Variants in SGCG observed in about 807,000 individuals in gnomAD.
The protein encoded by SGCG is gamma-sarcoglycan.
SGCG carries 26 observed loss-of-function variants against 29.3 expected under a neutral mutation model. The observed-to-expected ratio is 0.89, with a 90% confidence interval of 0.65 to 1.23. The LOEUF (loss-of-function observed/expected upper bound fraction) is 1.23, where lower values mean the gene tolerates loss of function less well. Among genes scored for constraint, SGCG ranks in the 50% most tolerant of loss-of-function variants. The pLI is 0.00. For synonymous variants in SGCG, 145 were observed against 129.7 expected (o/e 1.12, Z -0.80); for missense variants, 353 against 356.0 (o/e 0.99, Z 0.07).
intron 1 of SGCG, among the ~76,000 whole-genome samples, chr13:23,202,257 T>C (rs1351915094): frequency 2.6e-5 from 4 of 151,986 alleles, no homozygotes; most frequent in South Asian, 2.1e-4. Context: ...TTTGGAAAAA[T>C]AGAGTGACAG....
intron 4 of SGCG, among the ~76,000 whole-genome samples, chr13:23,271,169 G>A (rs1295643733): frequency 3.3e-5 from 5 of 152,128 alleles, no homozygotes; most frequent in Admixed American, 3.3e-4. Flanking sequence ...CCGAGATCAC[G>A]CCACTACACT....
chr13:23,300,480 T>A (rs2137654783), intron 6 of SGCG, among the ~76,000 whole-genome samples: 1 of 152,290 alleles, frequency 6.6e-6, no homozygotes, highest in African/African-American at 2.4e-5. Context: ...TCCGAAATCC[T>A]GACCTCCCAT....
chr13:23,257,295 T>C (rs1880230285), intron 4 of SGCG, among the ~76,000 whole-genome samples: 2 of 152,134 alleles, frequency 1.3e-5, no homozygotes, highest in South Asian at 4.1e-4. Flanking sequence ...ATTTCTAGGG[T>C]ACACATGCAA....
chr13:23,259,168 G>A (rs1241721199), intron 4 of SGCG, among the ~76,000 whole-genome samples: 1 of 152,112 alleles, frequency 6.6e-6, no homozygotes, highest in Non-Finnish European at 1.5e-5. Flanking sequence ...AAATCCGTCT[G>A]CTCTTGGACT....
intron 2 of SGCG, among the ~76,000 whole-genome samples, chr13:23,209,725 AG>A (rs1189239208): frequency 6.6e-6 from 1 of 152,182 alleles, no homozygotes; most frequent in Non-Finnish European, 1.5e-5. Flanking sequence ...GGTTGATGTA[AG>A]GGTTCTGAGC....
chr13:23,232,789 A>G (rs200267196), intron 2 of SGCG, among the ~76,000 whole-genome samples: 2 of 152,172 alleles, frequency 1.3e-5, no homozygotes, highest in East Asian at 3.9e-4. Context: ...CTCAAAAAAA[A>G]GACAGTCAGA....
chr13:23,274,477 G>A (rs1440626953), intron 4 of SGCG, among the ~76,000 whole-genome samples: 1 of 136,258 alleles, frequency 7.3e-6, no homozygotes, highest in Non-Finnish European at 1.5e-5. Context: ...ATCTTGGCTC[G>A]CTGCAAGCTC....
At chr13:23,299,427 TATATATATATATATATATATATA>T (rs1480435971) in intron 6 of SGCG, among the ~76,000 whole-genome samples, 14 of 13,536 alleles carry the variant, frequency 1.0e-3, no homozygotes, top group East Asian at 1.9e-3. Flanking sequence ...TATATATATA[TATATATATATATATATATATATA>T]TATATATTTT....
At chr13:23,238,257 G>A (rs993492665) in intron 3 of SGCG, among the ~76,000 whole-genome samples, 3 of 152,182 alleles carry the variant, frequency 2.0e-5, no homozygotes, top group African/African-American at 7.2e-5. Context: ...CAAGGCAGCT[G>A]CAGTTTGCAA....
intron 3 of SGCG, among the ~76,000 whole-genome samples, chr13:23,247,784 TAAA>T (rs56971660): frequency 7.0e-4 from 93 of 132,844 alleles, no homozygotes; most frequent in Admixed American, 9.0e-4. Context: ...CATCTCTATT[TAAA>T]AAAAAAAAAA....
chr13:23,283,560 C>G (rs1881386935), intron 5 of SGCG, among the ~76,000 whole-genome samples: 2 of 152,162 alleles, frequency 1.3e-5, no homozygotes, highest in African/African-American at 4.8e-5. Flanking sequence ...TGGGTTTTGA[C>G]TCTATCCAGT....
intron 6 of SGCG, among the ~76,000 whole-genome samples, chr13:23,311,800 A>C (rs757607981): frequency 1.3e-5 from 2 of 152,158 alleles, no homozygotes; most frequent in Non-Finnish European, 2.9e-5. Flanking sequence ...AATTTCTCAA[A>C]TTAGAAAATA....
intron 6 of SGCG, among the ~76,000 whole-genome samples, chr13:23,318,102 C>G (rs1242947636): frequency 6.6e-6 from 1 of 152,202 alleles, no homozygotes; most frequent in African/African-American, 2.4e-5. Context: ...CGGACTGGCT[C>G]TCTTTGCTCC....
chr13:23,245,596 ATCC>A (rs1435561596), intron 3 of SGCG: 1 of 152,174 alleles, frequency 6.6e-6, no homozygotes, highest in African/African-American at 2.4e-5. Flanking sequence ...GTGATTGTTA[ATCC>A]TCCTAAGAAA....
At chr13:23,265,514 G>A (rs1880604419) in intron 4 of SGCG, among the ~76,000 whole-genome samples, 1 of 152,132 alleles carries the variant, frequency 6.6e-6, no homozygotes, top group Non-Finnish European at 1.5e-5. Flanking sequence ...GGAGGTGGAG[G>A]TTGCAGTGAG....
At chr13:23,248,801 G>A (rs1879836977) in intron 3 of SGCG, among the ~76,000 whole-genome samples, 1 of 151,756 alleles carries the variant, frequency 6.6e-6, no homozygotes, top group Non-Finnish European at 1.5e-5. Context: ...GACCATCTTG[G>A]CTAACACGGT....
chr13:23,309,833 A>G (rs559800142), intron 6 of SGCG, among the ~76,000 whole-genome samples: 4 of 152,236 alleles, frequency 2.6e-5, no homozygotes, highest in South Asian at 2.1e-4. Flanking sequence ...AATGTATTTA[A>G]TGAAGTTTCT....
chr13:23,175,770 C>A, the SGCG span, among the ~76,000 whole-genome samples: 2 of 151,870 alleles, frequency 1.3e-5, no homozygotes, highest in African/African-American at 4.8e-5. Context: ...GAAAAAAATA[C>A]ATTTAGTAGT....
intron 6 of SGCG, among the ~76,000 whole-genome samples, chr13:23,300,147 G>A (rs1359531370): frequency 6.6e-6 from 1 of 152,180 alleles, no homozygotes; most frequent in Non-Finnish European, 1.5e-5. Context: ...TTCCACGTCT[G>A]TTCATCTACT....
Sources: allele counts gnomAD v4.1 joint callset (sites outside exome capture counted in the v4.1 genomes callset), GRCh38; gene constraint gnomAD v4.1.1; transcripts MANE v1.5; gene names NCBI Gene and HGNC (gene_info 2026-07-23, HGNC 2026-07-21).